Variants in KDM1B observed in about 807,000 individuals in gnomAD.
KDM1B encodes the protein lysine-specific histone demethylase 2.
Under a neutral mutation model 107.4 loss-of-function variants are expected in KDM1B, and 63 were observed. That is an observed-to-expected ratio of 0.59 (90% CI 0.48 to 0.72). The LOEUF (loss-of-function observed/expected upper bound fraction) is 0.72, where lower values mean the gene tolerates loss of function less well. KDM1B is among the 30% of genes least tolerant of loss of function. KDM1B has a pLI of 0.00. For missense variants in KDM1B, 749 were observed against 1,020.8 expected (o/e 0.73, Z 3.63); for synonymous variants, 363 against 363.9 (o/e 1.00, Z 0.03).
intron 7 of KDM1B, among the ~76,000 whole-genome samples, chr6:18,175,414 T>C (rs773720386): frequency 2.6e-5 from 4 of 152,192 alleles, no homozygotes; most frequent in Non-Finnish European, 5.9e-5. Context: ...TTGTGAAGAT[T>C]TTCTCCCACT....
intron 10 of KDM1B, among the ~76,000 whole-genome samples, chr6:18,195,800 G>A (rs1005906555): frequency 4.6e-5 from 7 of 150,588 alleles, no homozygotes; most frequent in East Asian, 3.9e-4. Flanking sequence ...CCTAATTAAC[G>A]TATGCCTTAC....
In KDM1B at chr6:18,222,424, G is replaced by T. The variant is rs149422068; in HGVS notation, c.*432G>T. On this transcript the variant is annotated 3_prime_UTR_variant, in exon 22 of 22. Coordinates refer to ENST00000650836, the MANE Select transcript of KDM1B (RefSeq NM_001364614.2). ...GTTTTTCTTCTGTGACAATTTATCAGTATCTTTACCAATGAGCCTTAATTT... is the reference window on the plus strand; with the variant it reads ...GTTTTTCTTCTGTGACAATTTATCATTATCTTTACCAATGAGCCTTAATTT... The T allele has an allele frequency of 7.7e-4, 234 of 302,338 alleles. 2 individuals are homozygous for T. The highest frequency in any genetic ancestry group is 1.7e-3 in the South Asian group (58 of 33,974). The allele number at this position is 302,338 out of a possible 1,614,324, so 18.7% of individuals were successfully genotyped here. A position where few individuals can be genotyped will look rare whatever the true frequency, so the allele number is the denominator to read the frequency against.
Position 18,207,393 on chromosome 6 carries a change from C to G in KDM1B, c.1660-5C>G, listed in dbSNP as rs778463962. On this transcript the variant is annotated splice_polypyrimidine_tract_variant and splice_region_variant and intron_variant, in intron 15 of 21. Coordinates refer to ENST00000650836, the MANE Select transcript of KDM1B (RefSeq NM_001364614.2). Reference sequence around the variant, plus strand: ...GCTGTGTCCCCAACCTCTCTTGTTTCCCAGGTATCTGCTCGCTCGTGGGAC... The same window carrying G: ...GCTGTGTCCCCAACCTCTCTTGTTTGCCAGGTATCTGCTCGCTCGTGGGAC... 1 of 1,613,992 alleles carries G rather than the reference C, an allele frequency of 6.2e-7. No homozygotes were observed. The highest frequency in any genetic ancestry group is 1.7e-5 in the Admixed American group (1 of 60,022).
intron 21 of KDM1B, among the ~76,000 whole-genome samples, chr6:18,219,029 A>C (rs2151050954): frequency 6.6e-6 from 1 of 152,200 alleles, no homozygotes; most frequent in African/African-American, 2.4e-5. Context: ...CAGCCTCCCG[A>C]ATAGCTGGGA....
chr6:18,206,518 G>A (rs968177008), intron 15 of KDM1B, among the ~76,000 whole-genome samples: 1 of 152,108 alleles, frequency 6.6e-6, no homozygotes, highest in Non-Finnish European at 1.5e-5. Flanking sequence ...CCCTGTCTAG[G>A]GGGAGAAAAA....
In KDM1B at chr6:18,223,485, CATGTATTAAA is replaced by C; in HGVS notation, c.*1498_*1507del. On this transcript the variant is annotated 3_prime_UTR_variant, in exon 22 of 22. Transcript: ENST00000650836. ...TGGCAAGTATTCTGCTTTAAAGTAT[CATGTATTAAA>C]ATGTTTAGACAGCATGTGTTTTAAA... 1 of 152,086 alleles carries C rather than the reference CATGTATTAAA, an allele frequency of 6.6e-6. No individual in the cohort carries two copies. Among genetic ancestry groups the C allele is most frequent in the East Asian group, 1.9e-4 (1 of 5,174 alleles). 9.4% of individuals were successfully genotyped at this position (152,086 alleles called of 1,614,324 possible).
At chr6:18,195,733 CAA>C (rs774459443) in intron 10 of KDM1B, among the ~76,000 whole-genome samples, 9 of 107,832 alleles carry the variant, frequency 8.3e-5, no homozygotes, top group Admixed American at 6.1e-4. Context: ...AACTCCATAT[CAA>C]AAAAAAAAAA....
intron 4 of KDM1B, among the ~76,000 whole-genome samples, chr6:18,161,928 A>G (rs2150766407): frequency 6.6e-6 from 1 of 150,928 alleles, no homozygotes; most frequent in African/African-American, 2.5e-5. Context: ...TGACACAAGT[A>G]TGATCTTCTT....
chr6:18,174,569 G>T lies in KDM1B; in HGVS notation c.534+3090G>T, dbSNP rs1785867653. On this transcript the variant is annotated intron_variant, in intron 7 of 21. Transcript: ENST00000650836. The stretch of plus-strand genomic sequence containing the variant: ...ATTTGGTGCACCCATCACCCGAGCA[G>T]TATACACTGCACCCTGTTTGTAGCC... 1.3e-5 allele frequency among the ~76,000 whole-genome samples: 2 copies of T among 152,108 alleles called. 1 individual carries two copies. The highest frequency in any genetic ancestry group is 2.9e-5 in the Non-Finnish European group (2 of 68,016).
At chr6:18,158,011 C>A (rs1784738431) in intron 2 of KDM1B, among the ~76,000 whole-genome samples, 1 of 151,928 alleles carries the variant, frequency 6.6e-6, no homozygotes, top group Non-Finnish European at 1.5e-5. Context: ...GATGGGGTTT[C>A]ACCGTGTTAG....
rs559079472 is a variant in KDM1B, at chr6:18,223,692, G to A, written c.*1700G>A. The A allele has an allele frequency of 1.3e-5, 2 of 152,178 alleles. No homozygotes were observed. Among genetic ancestry groups the A allele is most frequent in the East Asian group, 3.9e-4 (2 of 5,170 alleles). 9.4% of individuals were successfully genotyped at this position (152,178 alleles called of 1,614,324 possible). ...CTTCATTTGATTTTTTGTTTAAGAA[G>A]CCATGGTACTTTTTTCTTGAGTTAC... On this transcript the variant is annotated 3_prime_UTR_variant, in exon 22 of 22. Coordinates refer to ENST00000650836, the MANE Select transcript of KDM1B (RefSeq NM_001364614.2).
chr6:18,184,735 C>CCTTTTT (rs1786725974), intron 7 of KDM1B, among the ~76,000 whole-genome samples: 1 of 53,584 alleles, frequency 1.9e-5, no homozygotes, highest in Non-Finnish European at 4.2e-5. Context: ...TAGCTTTTTT[C>CCTTTTT]CTTTTTTTTT....
rs546631683 is a variant in KDM1B, at chr6:18,172,818, G to T, written c.534+1339G>T. Among the ~76,000 whole-genome samples the T allele has an allele frequency of 2.6e-5, 4 of 151,836 alleles. No homozygotes were observed. The highest frequency in any genetic ancestry group is 7.3e-5 in the African/African-American group (3 of 41,352). ...AAACATATTAGGAGTGGTTGGGCGC[G>T]GTGGCTCACACCTGTAATCCCAGCA... On this transcript the variant is annotated intron_variant, in intron 7 of 21. Coordinates refer to ENST00000650836, the MANE Select transcript of KDM1B (RefSeq NM_001364614.2). The surrounding 1 kb of genome is among the most constrained non-coding windows in gnomAD (Gnocchi z 5.2).
chr6:18,212,587 G>A lies in KDM1B; in HGVS notation c.1966G>A (p.Ala656Thr), dbSNP rs758076566. 3.7e-6 allele frequency: 6 copies of A among 1,612,002 alleles called. No individual in the cohort carries two copies. The South Asian group carries it at 4.4e-5, about 12-fold the overall frequency. ...GATGAAGGCTATCAACAGCTTAGGC[G>A]CAGGCATCATTGAAAAGGTGACTGA... ...KKMKAINSLG[A>T]GIIEKIALQF... is the part of the protein sequence containing the mutation. The change falls in exon 18 of 22, where the codon GCA becomes ACA. Residue 656 changes from alanine to threonine, a missense_variant. Ala to Thr is a moderately conservative substitution (Grantham distance 58). Coordinates refer to ENST00000650836, the MANE Select transcript of KDM1B (RefSeq NM_001364614.2). The surrounding 1 kb of genome is among the most constrained non-coding windows in gnomAD (Gnocchi z 5.2).
At position 18,196,311 on chromosome 6, in the gene KDM1B, A is replaced by T. The variant is rs542855428; in HGVS notation, c.970-746A>T. Among the ~76,000 whole-genome samples the T allele has an allele frequency of 5.9e-5, 9 of 152,154 alleles. No individual in the cohort carries two copies. The South Asian group carries it at 1.9e-3, about 32-fold the overall frequency. ...ACATGGGAGTGCACATCTCTCTTTG[A>T]CGTGCTGATTCATTTTATTTGACTA... On this transcript the variant is annotated intron_variant, in intron 10 of 21. Coordinates refer to ENST00000650836, the MANE Select transcript of KDM1B (RefSeq NM_001364614.2).
intron 9 of KDM1B, 35 bp downstream of exon 9, chr6:18,188,037 TC>T: frequency 6.6e-7 from 1 of 1,513,708 alleles, no homozygotes. Context: ...TGCTTTCTAT[TC>T]CCCGCTCCCC....
chr6:18,206,941 C>T (rs765113715), intron 15 of KDM1B, among the ~76,000 whole-genome samples: 3 of 152,206 alleles, frequency 2.0e-5, no homozygotes, highest in African/African-American at 4.8e-5. Flanking sequence ...TAGAACTCCA[C>T]GGATGATTTC....
At chr6:18,199,678 A>G (rs1453077121) in intron 12 of KDM1B, among the ~76,000 whole-genome samples, 1 of 151,444 alleles carries the variant, frequency 6.6e-6, no homozygotes, top group Non-Finnish European at 1.5e-5. Context: ...CCATGAAGTA[A>G]TATTTATATG....
At chr6:18,187,299 T>C (rs1251978608) in intron 8 of KDM1B, among the ~76,000 whole-genome samples, 1 of 152,176 alleles carries the variant, frequency 6.6e-6, no homozygotes, top group East Asian at 1.9e-4. Flanking sequence ...CCTCTGAAAG[T>C]TTTTTAGTAG....
Sources: gnomAD v4.1 joint callset for allele counts (sites outside exome capture counted in the v4.1 genomes callset) on GRCh38, gnomAD v4.1.1 for gene constraint, Gnocchi (gnomAD v3.1) non-coding constraint, MANE v1.5 for transcripts, NCBI Gene and HGNC (gene_info 2026-07-23, HGNC 2026-07-21) for gene names.